SLIT3: variants seen among roughly 807,000 people sequenced by gnomAD.
The protein encoded by SLIT3 is slit guidance ligand 3.
A neutral mutation model predicts 184.0 loss-of-function variants in SLIT3; 68 were observed. The ratio of observed to expected loss-of-function variants is 0.37; its 90% confidence interval spans 0.30 to 0.45. SLIT3 has a LOEUF of 0.45. SLIT3 is among the 20% of genes least tolerant of loss of function. The pLI, the probability that SLIT3 is intolerant of heterozygous loss-of-function variation, is 1.00. For synonymous variants in SLIT3, 831 were observed against 828.6 expected (o/e 1.00, Z -0.05); for missense variants, 1,707 against 2,026.0 (o/e 0.84, Z 3.02).
intron 4 of SLIT3, among the ~76,000 whole-genome samples, chr5:168,957,602 C>A (rs1477097248): frequency 6.6e-6 from 1 of 152,188 alleles, no homozygotes; most frequent in Non-Finnish European, 1.5e-5. Flanking sequence ...ATAGCCAGGG[C>A]CTAGCAATGG....
At chr5:169,282,055 T>C (rs1282909189) in intron 1 of SLIT3, among the ~76,000 whole-genome samples, 1 of 152,204 alleles carries the variant, frequency 6.6e-6, no homozygotes, top group Non-Finnish European at 1.5e-5. Context: ...TGAGAAAGCC[T>C]GAGCTACGTG....
intron 1 of SLIT3, among the ~76,000 whole-genome samples, chr5:169,275,564 G>A (rs567754808): frequency 6.6e-6 from 1 of 152,284 alleles, no homozygotes; most frequent in South Asian, 2.1e-4. Context: ...GGTTTAATTG[G>A]ACTTCCACAC....
At chr5:168,866,533 A>G (rs991002176) in intron 5 of SLIT3, among the ~76,000 whole-genome samples, 2 of 152,366 alleles carry the variant, frequency 1.3e-5, no homozygotes, top group Non-Finnish European at 2.9e-5. Flanking sequence ...AACAGCACAC[A>G]GGAAAATCCA....
intron 33 of SLIT3, 56 bp downstream of exon 33, chr5:168,673,121 T>C (rs1475088727): frequency 6.4e-7 from 1 of 1,573,716 alleles, no homozygotes; most frequent in Non-Finnish European, 8.7e-7. Context: ...TGGGTTTCTG[T>C]ACTGGAGCAC....
chr5:169,134,599 G>C (rs374400138), intron 4 of SLIT3, among the ~76,000 whole-genome samples: 1 of 152,134 alleles, frequency 6.6e-6, no homozygotes, highest in Non-Finnish European at 1.5e-5. Context: ...GGGGCCTGTC[G>C]GAGGGCTGGG....
rs564806293 is a variant in SLIT3, at chr5:169,282,436, CT to C, written c.197+18076del. 4.9e-3 allele frequency among the ~76,000 whole-genome samples: 749 copies of C among 152,308 alleles called. 3 individuals carry two copies. The highest frequency in any genetic ancestry group is 7.7e-3 in the Non-Finnish European group (522 of 68,026). On this transcript the variant is annotated intron_variant, in intron 1 of 35. Transcript: ENST00000519560. The stretch of plus-strand genomic sequence containing the variant: ...GTCCAGGTCCCTCAGGAAGACATCA[CT>C]CCATTTTGCTGTTGCCATGGTAATT...
intron 4 of SLIT3, among the ~76,000 whole-genome samples, chr5:168,969,807 C>A (rs10475529): frequency 0.023 from 3,563 of 152,288 alleles, 155 homozygotes; most frequent in African/African-American, 0.081. Flanking sequence ...CACTTTGGGG[C>A]TCTCAAAACT....
intron 32 of SLIT3, among the ~76,000 whole-genome samples, chr5:168,680,910 C>T (rs918274224): frequency 1.3e-5 from 2 of 151,686 alleles, no homozygotes; most frequent in Admixed American, 6.6e-5. Context: ...CAGCACTTTG[C>T]GAGGCCAAGG....
chr5:168,818,118 A>T (rs1757399204), intron 7 of SLIT3, among the ~76,000 whole-genome samples: 1 of 151,758 alleles, frequency 6.6e-6, no homozygotes, highest in African/African-American at 2.4e-5. Context: ...TCTGTACCAG[A>T]CTCTTGCAAT....
At chr5:168,926,534 C>G (rs900720848) in intron 4 of SLIT3, among the ~76,000 whole-genome samples, 2 of 152,216 alleles carry the variant, frequency 1.3e-5, no homozygotes, top group Admixed American at 1.3e-4. Context: ...TGTGTTTCTA[C>G]CAGTCAATTC....
At chr5:169,099,171 A>G (rs1759910872) in intron 4 of SLIT3, among the ~76,000 whole-genome samples, 1 of 152,090 alleles carries the variant, frequency 6.6e-6, no homozygotes, top group African/African-American at 2.4e-5. Flanking sequence ...CTGGAGGGAT[A>G]AAACAACCTG....
At chr5:168,675,601 G>T (rs181119904) in intron 32 of SLIT3, among the ~76,000 whole-genome samples, 2 of 152,286 alleles carry the variant, frequency 1.3e-5, no homozygotes, top group East Asian at 3.9e-4. Flanking sequence ...GCATGTGCCT[G>T]TATCACTAGT....
At chr5:169,235,006 AC>A (rs1400784259) in intron 3 of SLIT3, among the ~76,000 whole-genome samples, 1 of 152,138 alleles carries the variant, frequency 6.6e-6, no homozygotes, top group African/African-American at 2.4e-5. Context: ...TTTTGTTTTG[AC>A]CCCTCAGAGT....
At chr5:168,779,551 A>C (rs1354649250) in intron 12 of SLIT3, among the ~76,000 whole-genome samples, 8 of 152,084 alleles carry the variant, frequency 5.3e-5, no homozygotes. Flanking sequence ...GTTCCATGTC[A>C]AGAGGTATTA....
rs115388230 is a variant in SLIT3, at chr5:168,710,799, A to G, written c.2719+96T>C. On this transcript the variant is annotated intron_variant, in intron 25 of 35. Transcript: ENST00000519560. ...GAAGAGACAGGGTGAAGGTTTCTGA[A>G]GCCACATCTGTTGAGATACCCTGCT... 4.1e-4 allele frequency: 456 copies of G among 1,106,558 alleles called. 2 individuals are homozygous for G. In the African/African-American group the frequency reaches 6.9e-3, roughly 17 times the overall value. The allele number at this position is 1,106,558 out of a possible 1,614,324, so 68.5% of individuals were successfully genotyped here. A position where few individuals can be genotyped will look rare whatever the true frequency, so the allele number is the denominator to read the frequency against.
chr5:168,978,673 C>T (rs1349750450), intron 4 of SLIT3, among the ~76,000 whole-genome samples: 1 of 152,230 alleles, frequency 6.6e-6, no homozygotes, highest in African/African-American at 2.4e-5. Context: ...TAAAAATCCA[C>T]TGCCTCTCAT....
At chr5:168,762,516 G>A (rs1249978583) in intron 15 of SLIT3, 23 bp downstream of exon 15, 1 of 1,608,758 alleles carries the variant, frequency 6.2e-7, no homozygotes, top group Non-Finnish European at 8.5e-7. Flanking sequence ...GGAGTAGGGA[G>A]TTCACGCCGA....
intron 4 of SLIT3, among the ~76,000 whole-genome samples, chr5:169,163,790 C>T (rs779734980): frequency 6.6e-6 from 1 of 151,990 alleles, no homozygotes; most frequent in African/African-American, 2.4e-5. Flanking sequence ...TACTGGACAA[C>T]GGAAGGAAGG....
At chr5:168,759,566 G>A (rs1755068885) in intron 16 of SLIT3, among the ~76,000 whole-genome samples, 1 of 152,116 alleles carries the variant, frequency 6.6e-6, no homozygotes, top group African/African-American at 2.4e-5. Context: ...AAAACCCACG[G>A]CACTGAATAT....
Sources: gnomAD v4.1 joint callset for allele counts (sites outside exome capture counted in the v4.1 genomes callset) on GRCh38, gnomAD v4.1.1 for gene constraint, MANE v1.5 for transcripts, NCBI Gene and HGNC (gene_info 2026-07-23, HGNC 2026-07-21) for gene names.